The following COL26A1 variants were observed in gnomAD, a reference collection of about 807,000 sequenced individuals.
COL26A1 encodes the protein collagen type XXVI alpha 1 chain.
A neutral mutation model predicts 59.3 loss-of-function variants in COL26A1; 41 were observed. The ratio of observed to expected loss-of-function variants is 0.69; its 90% CI spans 0.54 to 0.90. The LOEUF (loss-of-function observed/expected upper bound fraction) is 0.90. Among genes scored for constraint, COL26A1 ranks in the 40% least tolerant of loss-of-function variants. The pLI is 0.00. For missense variants in COL26A1, 612 were observed against 602.3 expected (o/e 1.02, Z -0.17); for synonymous variants, 266 against 256.0 (o/e 1.04, Z -0.37).
intron 1 of COL26A1, among the ~76,000 whole-genome samples, chr7:101,405,278 A>G (rs1792103033): frequency 6.6e-6 from 1 of 152,086 alleles, no homozygotes. Flanking sequence ...ATAATCCTGA[A>G]CTAGCTCTAT....
chr7:101,418,154 C>G (rs545784602), intron 1 of COL26A1, among the ~76,000 whole-genome samples: 10 of 152,068 alleles, frequency 6.6e-5, no homozygotes, highest in African/African-American at 2.4e-4. Flanking sequence ...TGTGAGCCAC[C>G]GCACTCAGCC....
At position 101,558,534 on chromosome 7, in the gene COL26A1, C is replaced by T. The variant is rs1042677725; in HGVS notation, c.*1004C>T. ...GCATGACACAGCAAGCCCAGTGTCC[C>T]CTTTGCAAGCTGCAGAGAGGGAAAC... On this transcript the variant is annotated 3_prime_UTR_variant, in exon 13 of 13. Coordinates refer to ENST00000313669, the MANE Select transcript of COL26A1 (RefSeq NM_001278563.3). 2 of 152,200 alleles carry T rather than the reference C, an allele frequency of 1.3e-5. No homozygotes were observed. The highest frequency in any genetic ancestry group is 4.1e-4 in the South Asian group (2 of 4,822). The allele number at this position is 152,200 out of a possible 1,614,324, so 9.4% of individuals were successfully genotyped here. A position where few individuals can be genotyped will look rare whatever the true frequency, so the allele number is the denominator to read the frequency against.
rs367639872 is a variant in COL26A1 at position 101,405,857 on chromosome 7, G to A, written c.159-14120G>A. ...ATCAGTGGCCCCGCCAGCCCTTCCC[G>A]CCAGTGCGCAGGCAAGGAGCCGATG... On this transcript the variant is annotated intron_variant, in intron 1 of 12. Transcript: ENST00000313669. Among the ~76,000 whole-genome samples, 261 of 152,300 alleles carry A rather than the reference G, an allele frequency of 1.7e-3. 1 individual carries two copies. Among genetic ancestry groups the A allele is most frequent in the Middle Eastern group, 0.014 (4 of 294 alleles).
At chr7:101,528,463 T>A (rs561378361) in intron 3 of COL26A1, among the ~76,000 whole-genome samples, 1 of 151,958 alleles carries the variant, frequency 6.6e-6, no homozygotes, top group Non-Finnish European at 1.5e-5. Context: ...GGTGGGGTGG[T>A]GTCTTCCTGT....
intron 5 of COL26A1, among the ~76,000 whole-genome samples, chr7:101,540,743 G>T (rs892529132): frequency 6.6e-6 from 1 of 152,094 alleles, no homozygotes; most frequent in African/African-American, 2.4e-5. Flanking sequence ...TCCTAAGGCT[G>T]AGGCATGAGA....
At chr7:101,521,143 G>A (rs897947989) in intron 3 of COL26A1, among the ~76,000 whole-genome samples, 5 of 152,116 alleles carry the variant, frequency 3.3e-5, no homozygotes, top group Admixed American at 6.6e-5. Context: ...GTGTGCAGGG[G>A]GAACTGCCAC....
intron 1 of COL26A1, among the ~76,000 whole-genome samples, chr7:101,396,359 T>C (rs1166270992): frequency 6.6e-6 from 1 of 152,190 alleles, no homozygotes; most frequent in Non-Finnish European, 1.5e-5. Flanking sequence ...TTAAGGCCTT[T>C]GTCTCTTCCT....
At chr7:101,549,295 G>C in intron 9 of COL26A1, 72 bp downstream of exon 9, 1 of 1,002,470 alleles carries the variant, frequency 1.0e-6, no homozygotes, top group Non-Finnish European at 1.5e-6. Flanking sequence ...CCCTAGGGGA[G>C]AAGAAGCACC....
chr7:101,404,860 C>G (rs189242405), intron 1 of COL26A1, among the ~76,000 whole-genome samples: 1 of 152,172 alleles, frequency 6.6e-6, no homozygotes, highest in Non-Finnish European at 1.5e-5. Context: ...TGTGATCATG[C>G]CACTGCACCC....
rs58432413 is a variant in COL26A1, at chr7:101,429,589, C to CTTTTT, written c.281+9507_281+9511dup. On this transcript the variant is annotated intron_variant, in intron 2 of 12. Transcript: ENST00000313669. The stretch of plus-strand genomic sequence containing the variant: ...ATTCTTTTTTTTCCTTTCTTTTTTA[C>CTTTTT]TTTTTTTTTTTTTTTTTTTTTGAGA... Among the ~76,000 whole-genome samples the CTTTTT allele has an allele frequency of 6.3e-3, 496 of 78,614 alleles. 27 individuals carry two copies. Among genetic ancestry groups the CTTTTT allele is most frequent in the African/African-American group, 0.024 (468 of 19,314 alleles). 51.6% of individuals were successfully genotyped at this position (78,614 alleles called of 152,430 possible).
At chr7:101,466,263 G>T (rs191442199) in intron 3 of COL26A1, among the ~76,000 whole-genome samples, 2 of 152,184 alleles carry the variant, frequency 1.3e-5, no homozygotes, top group Admixed American at 6.6e-5. Context: ...TACCTGTCTT[G>T]CAGAATTGTC....
At chr7:101,489,749 CT>C (rs1794372556) in intron 3 of COL26A1, among the ~76,000 whole-genome samples, 5 of 63,286 alleles carry the variant, frequency 7.9e-5, no homozygotes, top group East Asian at 2.7e-4. Context: ...CTCTTTCTTT[CT>C]TGTCTCTCTT....
upstream of COL26A1, chr7:101,362,688 G>C (rs1193859260): frequency 8.7e-6 from 3 of 345,272 alleles, no homozygotes; most frequent in Non-Finnish European, 1.6e-5. Context: ...GGGCCTGGGC[G>C]CGAGGTCTGG....
chr7:101,387,630 G>GCTCTCTCT (rs374185692), intron 1 of COL26A1, among the ~76,000 whole-genome samples: 1 of 132,420 alleles, frequency 7.6e-6, no homozygotes, highest in African/African-American at 2.8e-5. Flanking sequence ...TCTCTCTCTC[G>GCTCTCTCT]CTCTCTCTCT....
At chr7:101,488,792 T>C (rs1794324855) in intron 3 of COL26A1, among the ~76,000 whole-genome samples, 1 of 152,184 alleles carries the variant, frequency 6.6e-6, no homozygotes, top group African/African-American at 2.4e-5. Context: ...TTGCAGACTT[T>C]TAAAGGAGGA....
chr7:101,481,143 C>A (rs1794145212), intron 3 of COL26A1, among the ~76,000 whole-genome samples: 1 of 152,070 alleles, frequency 6.6e-6, no homozygotes, highest in African/African-American at 2.4e-5. Flanking sequence ...GGAGATGCCA[C>A]GTTGTTCCCT....
intron 6 of COL26A1, among the ~76,000 whole-genome samples, chr7:101,545,100 C>T (rs1584503014): frequency 6.6e-6 from 1 of 152,124 alleles, no homozygotes; most frequent in Admixed American, 6.5e-5. Context: ...GTCCCTGCCC[C>T]CCTCACCCTC....
At chr7:101,419,263 C>T (rs935645465) in intron 1 of COL26A1, among the ~76,000 whole-genome samples, 3 of 151,942 alleles carry the variant, frequency 2.0e-5, no homozygotes, top group Non-Finnish European at 2.9e-5. Context: ...TGTGCCACCA[C>T]GCCTGGGCTA....
At chr7:101,447,591 C>A in intron 2 of COL26A1, 93 bp from the exon 3 acceptor site, 1 of 866,332 alleles carries the variant, frequency 1.2e-6, no homozygotes, top group South Asian at 1.6e-5. Context: ...GGAGCCCTGG[C>A]TGGGCAAAAC....
Sources: allele counts gnomAD v4.1 joint callset (sites outside exome capture counted in the v4.1 genomes callset), GRCh38; gene constraint gnomAD v4.1.1; transcripts MANE v1.5; gene names NCBI Gene and HGNC (gene_info 2026-07-23, HGNC 2026-07-21).